The following GRIP1 variants were observed in gnomAD, a reference collection of about 807,000 sequenced individuals.
GRIP1 encodes the protein glutamate receptor interacting protein 1.
A neutral mutation model predicts 129.9 loss-of-function variants in GRIP1; 45 were observed. That is an observed-to-expected ratio of 0.35 (90% CI 0.27 to 0.44). The LOEUF (loss-of-function observed/expected upper bound fraction) is 0.44. Among genes scored for constraint, GRIP1 ranks in the 20% least tolerant of loss-of-function variants. GRIP1 has a pLI of 1.00. For synonymous variants in GRIP1, 530 were observed against 520.8 expected (o/e 1.02, Z -0.24); for missense variants, 1,196 against 1,396.8 (o/e 0.86, Z 2.29).
At chr12:66,359,277 G>A (rs1209691210) in intron 23 of GRIP1, among the ~76,000 whole-genome samples, 4 of 152,198 alleles carry the variant, frequency 2.6e-5, no homozygotes, top group African/African-American at 7.2e-5. Context: ...TAGATCTGAG[G>A]CATGTTTTCC....
At position 66,899,788 on chromosome 12, in the gene GRIP1, T is replaced by C. The variant is rs574056278; in HGVS notation, c.58+169262A>G. On this transcript the variant is annotated intron_variant, in intron 1 of 1. Coordinates refer to the GRIP1 transcript ENST00000643019. ...TCTATCCCACAACTACTGCAATGAG[T>C]GCTGCTGTGAAATGTCTCTGGGCCT... is the stretch of plus-strand genomic sequence containing the variant. Among the ~76,000 whole-genome samples, 12 of 152,264 alleles carry C rather than the reference T, an allele frequency of 7.9e-5. No individual in the cohort carries two copies. In the South Asian group the frequency reaches 2.5e-3, roughly 32 times the overall value.
chr12:66,424,940 G>GTTCTC, intron 14 of GRIP1, among the ~76,000 whole-genome samples: 1 of 151,924 alleles, frequency 6.6e-6, no homozygotes, highest in Non-Finnish European at 1.5e-5. Context: ...AAACCCAGAG[G>GTTCTC]TTCTCTTCTC....
intron 1 of GRIP1, among the ~76,000 whole-genome samples, chr12:66,915,415 G>A (rs1045101251): frequency 6.6e-6 from 1 of 152,226 alleles, no homozygotes; most frequent in Non-Finnish European, 1.5e-5. Context: ...TGGAGATGAG[G>A]GAGGGAGCTG....
intron 1 of GRIP1, among the ~76,000 whole-genome samples, chr12:66,673,769 G>A (rs1565958200): frequency 6.6e-6 from 1 of 152,146 alleles, no homozygotes; most frequent in Non-Finnish European, 1.5e-5. Context: ...AACAAGACCT[G>A]CCTGGGACCC....
upstream of GRIP1, chr12:66,804,250 C>T (rs1040586281): frequency 1.8e-5 from 7 of 394,342 alleles, no homozygotes; most frequent in Admixed American, 2.7e-5. Context: ...AGCTGCTCTG[C>T]GAGCCGGTGG....
At chr12:66,677,943 T>C (rs1156664129) in intron 1 of GRIP1, among the ~76,000 whole-genome samples, 1 of 152,158 alleles carries the variant, frequency 6.6e-6, no homozygotes, top group Non-Finnish European at 1.5e-5. Context: ...TATTACAGGC[T>C]GAAAAAGAAA....
chr12:66,789,174 T>G (rs554245119), intron 1 of GRIP1, among the ~76,000 whole-genome samples: 2 of 152,296 alleles, frequency 1.3e-5, no homozygotes, highest in Admixed American at 1.3e-4. Flanking sequence ...CACTTGAAAT[T>G]CCATTCTAGT....
At chr12:66,794,698 T>C (rs1211775156) in intron 1 of GRIP1, among the ~76,000 whole-genome samples, 2 of 152,336 alleles carry the variant, frequency 1.3e-5, no homozygotes, top group African/African-American at 4.8e-5. Flanking sequence ...ATTAAATTTA[T>C]GTAAAATCAG....
At chr12:66,857,736 A>T (rs1425466033) in intron 1 of GRIP1, among the ~76,000 whole-genome samples, 2 of 151,962 alleles carry the variant, frequency 1.3e-5, no homozygotes, top group Non-Finnish European at 2.9e-5. Flanking sequence ...GAGGTAAGGC[A>T]TATCATCATA....
chr12:66,944,876 T>C lies in GRIP1; in HGVS notation c.58+124174A>G, dbSNP rs2137462898. Among the ~76,000 whole-genome samples, 2 of 152,328 alleles carry C rather than the reference T, an allele frequency of 1.3e-5. 1 individual carries two copies. Among genetic ancestry groups the C allele is most frequent in the East Asian group, 3.9e-4 (2 of 5,182 alleles). The stretch of plus-strand genomic sequence containing the variant: ...GGCACGCTCTTGGCTCACTGCAACC[T>C]CTGCCACCCAGGTTCAGGCAATTCT... On this transcript the variant is annotated intron_variant, in intron 1 of 1. Coordinates refer to the GRIP1 transcript ENST00000643019.
intron 2 of GRIP1, among the ~76,000 whole-genome samples, chr12:66,543,885 T>A (rs998253660): frequency 3.9e-5 from 6 of 152,158 alleles, no homozygotes; most frequent in Non-Finnish European, 7.4e-5. Flanking sequence ...TAAAGGTCTA[T>A]CCAATTTTCA....
At chr12:67,060,043 G>GA (rs200723148) in intron 1 of GRIP1, among the ~76,000 whole-genome samples, 2,846 of 151,778 alleles carry the variant, frequency 0.019, 33 homozygotes, top group Middle Eastern at 0.055. Flanking sequence ...CCTGTGACAG[G>GA]AAAAAAAACA....
At chr12:66,584,290 G>T (rs1458564850) in intron 2 of GRIP1, among the ~76,000 whole-genome samples, 1 of 151,744 alleles carries the variant, frequency 6.6e-6, no homozygotes, top group Non-Finnish European at 1.5e-5. Flanking sequence ...ATAGCATTGG[G>T]AGATATACCT....
intron 5 of GRIP1, among the ~76,000 whole-genome samples, chr12:66,526,446 T>C (rs1046177030): frequency 5.9e-5 from 9 of 152,100 alleles, no homozygotes; most frequent in Non-Finnish European, 7.4e-5. Flanking sequence ...CCCTATTTAA[T>C]AAATGGTGCT....
chr12:66,891,034 A>G (rs1249809304), intron 1 of GRIP1, among the ~76,000 whole-genome samples: 2 of 152,248 alleles, frequency 1.3e-5, no homozygotes, highest in African/African-American at 4.8e-5. Flanking sequence ...TACATAGTGC[A>G]TTTAAACAGC....
chr12:66,480,255 A>C (rs2059762231), intron 7 of GRIP1, among the ~76,000 whole-genome samples: 1 of 152,204 alleles, frequency 6.6e-6, no homozygotes, highest in Non-Finnish European at 1.5e-5. Flanking sequence ...AAAAATAACA[A>C]GCATTCCTAT....
intron 14 of GRIP1, among the ~76,000 whole-genome samples, chr12:66,428,270 A>C (rs940020120): frequency 6.6e-6 from 1 of 152,188 alleles, no homozygotes; most frequent in African/African-American, 2.4e-5. Flanking sequence ...AAAACAAGTT[A>C]ATTGATTTGA....
intron 1 of GRIP1, among the ~76,000 whole-genome samples, chr12:66,799,089 T>C (rs1233285522): frequency 3.9e-5 from 6 of 152,160 alleles, no homozygotes; most frequent in African/African-American, 1.2e-4. Context: ...TTGATTAACT[T>C]GTTTGTATAT....
At chr12:66,471,118 C>T (rs1473795690) in intron 7 of GRIP1, among the ~76,000 whole-genome samples, 2 of 152,276 alleles carry the variant, frequency 1.3e-5, no homozygotes, top group Admixed American at 1.3e-4. Context: ...GGCAGAGCAG[C>T]AAGAAGGGTG....
Sources: gnomAD v4.1 joint callset for allele counts (sites outside exome capture counted in the v4.1 genomes callset) on GRCh38, gnomAD v4.1.1 for gene constraint, MANE v1.5 for transcripts, NCBI Gene and HGNC (gene_info 2026-07-23, HGNC 2026-07-21) for gene names.